DZANK1: variants seen among roughly 807,000 people sequenced by gnomAD.
DZANK1 encodes the protein double zinc ribbon and ankyrin repeat domains 1, also known as double zinc ribbon and ankyrin repeat-containing protein 1.
Under a neutral mutation model 94.5 loss-of-function variants are expected in DZANK1, and 91 were observed. The observed-to-expected ratio is 0.96, with a 90% CI of 0.81 to 1.15. The LOEUF is 1.15. Among genes scored for constraint, DZANK1 ranks in the 50% most tolerant of loss-of-function variants. The pLI is 0.00. For synonymous variants in DZANK1, 312 were observed against 325.3 expected (o/e 0.96, Z 0.44); for missense variants, 903 against 916.4 (o/e 0.99, Z 0.19).
chr20:18,443,011 CTT>C (rs2058759545), intron 8 of DZANK1, among the ~76,000 whole-genome samples: 1 of 152,072 alleles, frequency 6.6e-6, no homozygotes. Context: ...TGGTAGTTCT[CTT>C]TATTTATTTC....
intron 13 of DZANK1, among the ~76,000 whole-genome samples, chr20:18,402,903 A>G (rs936627839): frequency 1.3e-5 from 2 of 152,216 alleles, no homozygotes; most frequent in Non-Finnish European, 2.9e-5. Context: ...TTCTAAAGCC[A>G]TACAGAAAAT....
chr20:18,453,177 G>A (rs2424197), intron 5 of DZANK1, among the ~76,000 whole-genome samples: 75,434 of 152,090 alleles, frequency 0.5, 19,118 homozygotes, highest in East Asian at 0.58. Context: ...CAGTAAGAAC[G>A]AAACATTCAA....
chr20:18,402,504 C>T (rs1373083924), intron 13 of DZANK1, among the ~76,000 whole-genome samples: 1 of 152,164 alleles, frequency 6.6e-6, no homozygotes, highest in East Asian at 1.9e-4. Context: ...CATGTGGTCC[C>T]TCCCAAGTAC....
At chr20:18,384,474 G>T (rs761245722) in exon 21 of DZANK1, 2 of 1,612,030 alleles carry the variant, frequency 1.2e-6, no homozygotes, top group Non-Finnish European at 1.7e-6. Flanking sequence ...TGGCAGCAAA[G>T]AGTGAGGTGA....
chr20:18,397,962 G>A (rs62205558), intron 14 of DZANK1, among the ~76,000 whole-genome samples: 4,794 of 152,290 alleles, frequency 0.031, 91 homozygotes, highest in Non-Finnish European at 0.044. Flanking sequence ...ATCATAGTCC[G>A]TTAGTCAAAC....
At chr20:18,453,488 G>A (rs1346501248) in intron 5 of DZANK1, among the ~76,000 whole-genome samples, 4 of 152,154 alleles carry the variant, frequency 2.6e-5, no homozygotes, top group Non-Finnish European at 5.9e-5. Context: ...TGTTTGGTTA[G>A]ATGCCCCCAT....
At chr20:18,455,830 T>A (rs1386707970) in intron 3 of DZANK1, among the ~76,000 whole-genome samples, 1 of 152,218 alleles carries the variant, frequency 6.6e-6, no homozygotes. Context: ...TGTGGTTAGC[T>A]TGGGCTTCCT....
intron 10 of DZANK1, among the ~76,000 whole-genome samples, chr20:18,426,851 A>C (rs2058066201): frequency 6.6e-6 from 1 of 152,230 alleles, no homozygotes. Flanking sequence ...ATAAGAAATT[A>C]TTGATTTTAC....
intron 10 of DZANK1, among the ~76,000 whole-genome samples, chr20:18,416,102 G>C (rs138979119): frequency 6.6e-6 from 1 of 152,140 alleles, no homozygotes; most frequent in South Asian, 2.1e-4. Context: ...GCACCCTCAC[G>C]TCAGTCCCAC....
chr20:18,424,469 C>CAAAAAAAAAAA, intron 10 of DZANK1, among the ~76,000 whole-genome samples: 1 of 101,060 alleles, frequency 9.9e-6, no homozygotes, highest in African/African-American at 3.9e-5. Flanking sequence ...ACAACAACAA[C>CAAAAAAAAAAA]AAAAAAAAAA....
chr20:18,419,461 A>G (rs945705437), intron 10 of DZANK1, among the ~76,000 whole-genome samples: 2 of 152,204 alleles, frequency 1.3e-5, no homozygotes, highest in Non-Finnish European at 2.9e-5. Context: ...AACACCAACC[A>G]GAATTACTTC....
intron 12 of DZANK1, 106 bp downstream of exon 12, chr20:18,414,242 A>G: frequency 7.5e-7 from 1 of 1,341,372 alleles, no homozygotes; most frequent in South Asian, 1.6e-5. Flanking sequence ...TGAAAGTTCT[A>G]AAAGTTTTGG....
intron 8 of DZANK1, among the ~76,000 whole-genome samples, chr20:18,435,427 G>T (rs1350424398): frequency 6.6e-6 from 1 of 152,102 alleles, no homozygotes. Flanking sequence ...AAAAAAGAAC[G>T]AGTTCATGTC....
intron 8 of DZANK1, among the ~76,000 whole-genome samples, chr20:18,434,728 A>G (rs2058448740): frequency 6.6e-6 from 1 of 152,066 alleles, no homozygotes; most frequent in African/African-American, 2.4e-5. Context: ...CTCCTTCTCT[A>G]ACTCTGTCAG....
intron 3 of DZANK1, among the ~76,000 whole-genome samples, chr20:18,456,062 C>A (rs1482846003): frequency 6.6e-6 from 1 of 152,202 alleles, no homozygotes; most frequent in Non-Finnish European, 1.5e-5. Flanking sequence ...AGGCATAGTT[C>A]ATTGGGGGCC....
intron 17 of DZANK1, 146 bp downstream of exon 17, chr20:18,393,565 T>C (rs1342021705): frequency 5.2e-6 from 3 of 571,604 alleles, no homozygotes; most frequent in Non-Finnish European, 9.2e-6. Flanking sequence ...TTTAAAGAAG[T>C]CTAAAGGACA....
intron 3 of DZANK1, among the ~76,000 whole-genome samples, chr20:18,457,336 T>C (rs1452754000): frequency 6.6e-6 from 1 of 151,874 alleles, no homozygotes; most frequent in East Asian, 1.9e-4. Context: ...ATTAGCTGGG[T>C]TGTGGTGGTG....
At chr20:18,432,932 C>T (rs1367515876) in intron 9 of DZANK1, 1 of 152,128 alleles carries the variant, frequency 6.6e-6, no homozygotes, top group East Asian at 1.9e-4. Flanking sequence ...ATAACTTTTT[C>T]TTCCATGTGA....
intron 13 of DZANK1, among the ~76,000 whole-genome samples, chr20:18,402,487 T>C (rs2056739505): frequency 1.3e-5 from 2 of 152,028 alleles, no homozygotes; most frequent in African/African-American, 4.8e-5. Flanking sequence ...TCCATAAACA[T>C]ACGGTGCATG....
Sources: allele counts gnomAD v4.1 joint callset (sites outside exome capture counted in the v4.1 genomes callset), GRCh38; gene constraint gnomAD v4.1.1; transcripts MANE v1.5; gene names NCBI Gene and HGNC (gene_info 2026-07-23, HGNC 2026-07-21).